The following TBC1D32 variants were observed in gnomAD, a reference collection of about 807,000 sequenced individuals.
TBC1D32 encodes protein broad-minded.
TBC1D32 carries 151 observed loss-of-function variants against 170.3 expected under a neutral mutation model. The ratio of observed to expected loss-of-function variants is 0.89; its 90% confidence interval spans 0.78 to 1.01. The LOEUF (loss-of-function observed/expected upper bound fraction) is 1.01. TBC1D32 is among the 50% of genes least tolerant of loss of function. The pLI is 0.00. For synonymous variants in TBC1D32, 498 were observed against 488.0 expected (o/e 1.02, Z -0.27); for missense variants, 1,464 against 1,457.1 (o/e 1.00, Z -0.08).
At position 121,090,894 on chromosome 6, in the gene TBC1D32, G is replaced by A. The variant is rs1450242866; in HGVS notation, c.3613C>T (p.Leu1205=). 1 of 1,612,444 alleles carries A rather than the reference G, an allele frequency of 6.2e-7. No individual in the cohort carries two copies. The highest frequency in any genetic ancestry group is 2.2e-5 in the East Asian group (1 of 44,796). Residue 1205 remains leucine, a synonymous_variant, in exon 31 of 32, where the codon CTA becomes TTA. Coordinates refer to ENST00000398212, the MANE Select transcript of TBC1D32 (RefSeq NM_152730.6). ...AGATCTTGAGTCTGAGTGTGCTGTAGAATGTCTTGCTGTAAATGTTTGAAT... is the reference window on the plus strand; with the variant it reads ...AGATCTTGAGTCTGAGTGTGCTGTAAAATGTCTTGCTGTAAATGTTTGAAT... ...AVFKHLQQDI[L]QHTQTQDLQV...
chr6:121,134,429 T>C (rs962494129), intron 24 of TBC1D32, among the ~76,000 whole-genome samples: 2 of 152,130 alleles, frequency 1.3e-5, no homozygotes, highest in Non-Finnish European at 2.9e-5. Flanking sequence ...CAAGGCACTA[T>C]AATTGTAAAC....
At chr6:121,267,228 T>A (rs186975635) in intron 15 of TBC1D32, among the ~76,000 whole-genome samples, 2 of 152,130 alleles carry the variant, frequency 1.3e-5, no homozygotes, top group Admixed American at 6.5e-5. Flanking sequence ...GGGTGATTTC[T>A]GCATTTCCAA....
At chr6:121,122,994 T>C (rs1369956413) in intron 26 of TBC1D32, among the ~76,000 whole-genome samples, 1 of 152,014 alleles carries the variant, frequency 6.6e-6, no homozygotes, top group Non-Finnish European at 1.5e-5. Context: ...AATGAGTGGG[T>C]TAGATTTACA....
At chr6:121,134,625 C>T (rs1359792943) in intron 24 of TBC1D32, among the ~76,000 whole-genome samples, 1 of 152,058 alleles carries the variant, frequency 6.6e-6, no homozygotes, top group Non-Finnish European at 1.5e-5. Flanking sequence ...GGCTACTCTT[C>T]CCCCAGCCAC....
chr6:121,199,011 C>T (rs1172062561), intron 22 of TBC1D32, among the ~76,000 whole-genome samples: 1 of 150,974 alleles, frequency 6.6e-6, no homozygotes, highest in Non-Finnish European at 1.5e-5. Flanking sequence ...AATGAATGAA[C>T]AAAAATGAAA....
At chr6:121,129,217 A>G (rs937063875) in intron 25 of TBC1D32, among the ~76,000 whole-genome samples, 2 of 152,250 alleles carry the variant, frequency 1.3e-5, no homozygotes, top group Admixed American at 1.3e-4. Context: ...GGACAGCTCT[A>G]TGCTTTGAGT....
At chr6:121,257,683 TTTTG>T (rs1360601455) in intron 15 of TBC1D32, among the ~76,000 whole-genome samples, 1 of 152,204 alleles carries the variant, frequency 6.6e-6, no homozygotes, top group Non-Finnish European at 1.5e-5. Context: ...AAAGTGTATT[TTTTG>T]TTTGTTTTCT....
chr6:121,092,299 T>G (rs1174115086), intron 30 of TBC1D32, among the ~76,000 whole-genome samples: 73 of 92,382 alleles, frequency 7.9e-4, no homozygotes, highest in African/African-American at 4.6e-3. Flanking sequence ...TTATGTTTTT[T>G]TTTTTTTTTT....
intron 24 of TBC1D32, among the ~76,000 whole-genome samples, chr6:121,155,058 A>T (rs1784704492): frequency 6.6e-6 from 1 of 152,192 alleles, no homozygotes; most frequent in South Asian, 2.1e-4. Flanking sequence ...GTATTTTAAT[A>T]GGGATAGCAC....
At chr6:121,189,495 C>T (rs1022929190) in intron 22 of TBC1D32, among the ~76,000 whole-genome samples, 89 of 150,488 alleles carry the variant, frequency 5.9e-4, no homozygotes, top group African/African-American at 2.0e-3. Context: ...ACCCTATAAA[C>T]GTTTATATGT....
chr6:121,110,473 G>T (rs1209536036), intron 29 of TBC1D32, among the ~76,000 whole-genome samples: 1 of 151,914 alleles, frequency 6.6e-6, no homozygotes, highest in Non-Finnish European at 1.5e-5. Context: ...GGGTAATGAG[G>T]TTGGGGTAAG....
chr6:121,186,478 T>C (rs1238726442), intron 22 of TBC1D32, among the ~76,000 whole-genome samples: 5 of 151,588 alleles, frequency 3.3e-5, no homozygotes, highest in South Asian at 2.1e-4. Flanking sequence ...TCCTAACCAG[T>C]GGGGTTGTTT....
chr6:121,329,924 A>C (rs912280258), intron 1 of TBC1D32, among the ~76,000 whole-genome samples: 13 of 152,162 alleles, frequency 8.5e-5, no homozygotes, highest in South Asian at 2.1e-4. Flanking sequence ...AGGTCAAAAA[A>C]TAAGCTTTTG....
chr6:121,121,717 T>C (rs940497451), intron 26 of TBC1D32, among the ~76,000 whole-genome samples: 1 of 152,028 alleles, frequency 6.6e-6, no homozygotes, highest in African/African-American at 2.4e-5. Context: ...TCCATCATTC[T>C]TTTATCCATT....
At chr6:121,117,654 A>T (rs893523111) in intron 26 of TBC1D32, among the ~76,000 whole-genome samples, 14 of 152,132 alleles carry the variant, frequency 9.2e-5, no homozygotes, top group African/African-American at 3.4e-4. Flanking sequence ...GTGGGCTGAG[A>T]TCATGCCACT....
chr6:121,133,518 T>C (rs1159724899), intron 24 of TBC1D32, among the ~76,000 whole-genome samples: 2 of 152,012 alleles, frequency 1.3e-5, no homozygotes, highest in Non-Finnish European at 2.9e-5. Flanking sequence ...ATTCCTGTGA[T>C]GTAAAATTTC....
Position 121,131,629 on chromosome 6 carries a change from T to A in TBC1D32, c.2897A>T (p.Glu966Val), listed in dbSNP as rs1223141763. The A allele has an allele frequency of 1.2e-6, 2 of 1,610,042 alleles. No individual in the cohort carries two copies. The highest frequency in any genetic ancestry group is 1.7e-6 in the Non-Finnish European group (2 of 1,178,002). The change falls in exon 25 of 32, where the codon GAG (glutamate) becomes GTG (valine). Residue 966 changes from glutamate to valine, a missense_variant and splice_region_variant. This residue lies in a region of TBC1D32 where 1,363 missense variants were observed against 1,338.1 expected (regional missense o/e 1.02). Transcript: ENST00000398212. ...MKAKPDIISG[E>V]ALIELLEKFV... ...CACAATGGAAACAATGTACTTACCC[T>A]CTCCACTGATTATATCAGGTTTGGC...
intron 20 of TBC1D32, among the ~76,000 whole-genome samples, chr6:121,238,382 C>T (rs1198706375): frequency 6.6e-6 from 1 of 151,944 alleles, no homozygotes; most frequent in Non-Finnish European, 1.5e-5. Context: ...CTTATTTTTT[C>T]CAGAATTTGT....
At chr6:121,098,189 G>A (rs960616227) in intron 30 of TBC1D32, among the ~76,000 whole-genome samples, 4 of 116,510 alleles carry the variant, frequency 3.4e-5, no homozygotes, top group African/African-American at 2.4e-4. Context: ...AGAACTTAAA[G>A]TAGAATAATA....
Sources: allele counts gnomAD v4.1 joint callset (sites outside exome capture counted in the v4.1 genomes callset), GRCh38; gene constraint gnomAD v4.1.1; regional missense constraint gnomAD v4.1.1; transcripts MANE v1.5; gene names NCBI Gene and HGNC (gene_info 2026-07-23, HGNC 2026-07-21).